Variants in ILDR2 observed in about 807,000 individuals in gnomAD.
ILDR2 encodes immunoglobulin-like domain-containing receptor 2.
A neutral mutation model predicts 66.8 loss-of-function variants in ILDR2; 25 were observed. That is an observed-to-expected ratio of 0.37 (90% CI 0.27 to 0.52). ILDR2 has a LOEUF of 0.52. Among genes scored for constraint, ILDR2 ranks in the 20% least tolerant of loss-of-function variants. The pLI, the probability that ILDR2 is intolerant of heterozygous loss-of-function variation, is 0.88. For synonymous variants in ILDR2, 367 were observed against 357.2 expected (o/e 1.03, Z -0.31); for missense variants, 827 against 876.8 (o/e 0.94, Z 0.72).
Position 166,957,649 on chromosome 1 carries a change from A to G in ILDR2, c.379+120T>C, listed in dbSNP as rs896969135. ...TTGATGCTCCCATTTCCAATAAAAT[A>G]AAAGTCTTGAGGGTCTGAAAGGGTG... On this transcript the variant is annotated intron_variant, in intron 2 of 9. Coordinates refer to ENST00000271417, the MANE Select transcript of ILDR2 (RefSeq NM_199351.3). 57 of 823,686 alleles carry G rather than the reference A, an allele frequency of 6.9e-5. No homozygotes were observed. The African/African-American group carries it at 8.1e-4, about 12-fold the overall frequency. The allele number at this position is 823,686 out of a possible 1,614,324, so 51.0% of individuals were successfully genotyped here. A position where few individuals can be genotyped will look rare whatever the true frequency, so the allele number is the denominator to read the frequency against.
At position 166,936,634 on chromosome 1, in the gene ILDR2, G is replaced by A. The variant is rs774274897; in HGVS notation, c.660C>T (p.Val220=). The part of the protein sequence containing the change: ...QCCPHSCCCY[V]RCPCCPDSCC... ...AGGAATCTGGGCAGCATGGGCAGCG[G>A]ACATAGCAGCAGCAGCTGTGAGGGC... Residue 220 remains valine (V), a synonymous_variant, in exon 5 of 10, where the codon GTC becomes GTT. Coordinates refer to ENST00000271417, the MANE Select transcript of ILDR2 (RefSeq NM_199351.3). This position sits in a 1 kb window ranked among gnomAD's most constrained non-coding sequence, Gnocchi z 5.0. 2 of 1,613,956 alleles carry A rather than the reference G, an allele frequency of 1.2e-6. No individual in the cohort carries two copies. Among genetic ancestry groups the A allele is most frequent in the South Asian group, 1.1e-5 (1 of 91,074 alleles).
At chr1:166,926,947 C>T (rs979593258) in intron 7 of ILDR2, 120 bp downstream of exon 7, 2 of 600,148 alleles carry the variant, frequency 3.3e-6, no homozygotes, top group African/African-American at 1.9e-5. Flanking sequence ...GTGTCACCAG[C>T]ACCCCTGCTA....
chr1:166,957,342 C>G (rs1382747838), intron 2 of ILDR2, among the ~76,000 whole-genome samples: 1 of 152,194 alleles, frequency 6.6e-6, no homozygotes, highest in East Asian at 1.9e-4. Context: ...AAGCATCTAC[C>G]TGGCTCTGTT....
intron 6 of ILDR2, among the ~76,000 whole-genome samples, chr1:166,933,117 C>T (rs766089891): frequency 4.1e-4 from 62 of 152,324 alleles, no homozygotes; most frequent in South Asian, 8.3e-4. Context: ...CCTCTTTTTC[C>T]TTGCTAACAG....
At chr1:166,975,004 C>T (rs543453844) in intron 1 of ILDR2, among the ~76,000 whole-genome samples, 32 of 148,254 alleles carry the variant, frequency 2.2e-4, no homozygotes, top group African/African-American at 8.1e-4. Context: ...GGCTTCTCCC[C>T]CGCCGCCCCC....
At chr1:166,933,430 G>A (rs555405739) in intron 6 of ILDR2, 42 of 271,502 alleles carry the variant, frequency 1.5e-4, no homozygotes, top group Non-Finnish European at 1.4e-4. Context: ...AGAAAAGACA[G>A]AGGAACTAGG....
At chr1:166,897,197 T>C (rs1659183011) in intron 2 of ILDR2, among the ~76,000 whole-genome samples, 1 of 151,694 alleles carries the variant, frequency 6.6e-6, no homozygotes, top group Admixed American at 6.6e-5. Context: ...AGAGCTAATA[T>C]AGACCTACAC....
At chr1:166,946,791 C>T (rs1258672886) in intron 3 of ILDR2, among the ~76,000 whole-genome samples, 1 of 152,248 alleles carries the variant, frequency 6.6e-6, no homozygotes, top group Non-Finnish European at 1.5e-5. Flanking sequence ...TGTGCACCAA[C>T]TGCCTTCTAG....
chr1:166,956,358 A>G (rs1662281243), intron 3 of ILDR2, among the ~76,000 whole-genome samples: 1 of 152,218 alleles, frequency 6.6e-6, no homozygotes, highest in African/African-American at 2.4e-5. Flanking sequence ...ACATCAGTGA[A>G]TTCTTATCTG....
At chr1:166,947,089 C>A (rs951632742) in intron 3 of ILDR2, among the ~76,000 whole-genome samples, 5 of 152,136 alleles carry the variant, frequency 3.3e-5, no homozygotes, top group African/African-American at 7.2e-5. Flanking sequence ...AACCTCCACC[C>A]CCAGAGAGCG....
intron 7 of ILDR2, 138 bp from the exon 8 acceptor site, chr1:166,922,947 G>A: frequency 1.4e-6 from 1 of 690,936 alleles, no homozygotes; most frequent in South Asian, 1.8e-5. Context: ...TTGTAAGCCT[G>A]AACTAGTGGT....
intron 2 of ILDR2, among the ~76,000 whole-genome samples, chr1:166,901,615 G>T (rs967322627): frequency 1.3e-5 from 2 of 152,136 alleles, no homozygotes; most frequent in African/African-American, 4.8e-5. Context: ...AAATGTTATA[G>T]ACGTGACTTC....
At chr1:166,961,748 G>A in intron 1 of ILDR2, among the ~76,000 whole-genome samples, 1 of 152,226 alleles carries the variant, frequency 6.6e-6, no homozygotes, top group South Asian at 2.1e-4. Flanking sequence ...GATGACTTCT[G>A]TGAAGCTACA....
chr1:166,955,183 A>G (rs1289358159), intron 3 of ILDR2, among the ~76,000 whole-genome samples: 1 of 152,196 alleles, frequency 6.6e-6, no homozygotes, highest in Non-Finnish European at 1.5e-5. Context: ...TTCCTGCTGA[A>G]TATCAGTCAT....
chr1:166,913,099 A>G lies in ILDR2; in HGVS notation c.*6256T>C, dbSNP rs976010458. 5 of 152,214 alleles carry G rather than the reference A, an allele frequency of 3.3e-5. No homozygotes were observed. The highest frequency in any genetic ancestry group is 1.2e-4 in the African/African-American group (5 of 41,444). 9.4% of individuals were successfully genotyped at this position (152,214 alleles called of 1,614,324 possible). Reference sequence around the variant, plus strand: ...TTCCTCTATTACTGTACTTACAACAATCAGAGAAGGACATGTATCATATGA... The same window carrying G: ...TTCCTCTATTACTGTACTTACAACAGTCAGAGAAGGACATGTATCATATGA... On this transcript the variant is annotated 3_prime_UTR_variant, in exon 10 of 10. Transcript: ENST00000271417.
In ILDR2 at chr1:166,912,126, C is replaced by A. The variant is rs1326038762; in HGVS notation, c.*7229G>T. On this transcript the variant is annotated 3_prime_UTR_variant, in exon 10 of 10. Transcript: ENST00000271417. ...GAGACAAAAAAATCTTTAGAACAGT[C>A]AGAGAGACCAGACAGATTAGGAAGG... is the stretch of plus-strand genomic sequence containing the variant. The A allele has an allele frequency of 6.6e-6, 1 of 152,068 alleles. No individual in the cohort carries two copies. Among genetic ancestry groups the A allele is most frequent in the Non-Finnish European group, 1.5e-5 (1 of 67,974 alleles). The allele number at this position is 152,068 out of a possible 1,614,324, so 9.4% of individuals were successfully genotyped here.
At position 166,909,798 on chromosome 1, in the gene ILDR2, T is replaced by C. The variant is rs1323706387; in HGVS notation, c.*9557A>G. 2.2e-5 allele frequency: 3 copies of C among 136,050 alleles called. No individual in the cohort carries two copies. The highest frequency in any genetic ancestry group is 4.6e-5 in the Non-Finnish European group (3 of 64,550). The allele number at this position is 136,050 out of a possible 1,614,324, so 8.4% of individuals were successfully genotyped here. The stretch of plus-strand genomic sequence containing the variant: ...ATATATATTTATATATATATATATA[T>C]ATATATATCCTTCTAGCTTTGCTCT... On this transcript the variant is annotated 3_prime_UTR_variant, in exon 10 of 10. Coordinates refer to ENST00000271417, the MANE Select transcript of ILDR2 (RefSeq NM_199351.3).
chr1:166,897,075 A>G (rs975554960), intron 2 of ILDR2, among the ~76,000 whole-genome samples: 1 of 152,232 alleles, frequency 6.6e-6, no homozygotes, highest in African/African-American at 2.4e-5. Flanking sequence ...GAATATGATC[A>G]TGTTGGGGCT....
intron 3 of ILDR2, among the ~76,000 whole-genome samples, chr1:166,946,289 C>G (rs1467291518): frequency 6.6e-6 from 1 of 152,082 alleles, no homozygotes; most frequent in Non-Finnish European, 1.5e-5. Flanking sequence ...GCCCCCTTTT[C>G]TTTTATATAT....
Sources: gnomAD v4.1 joint callset for allele counts (sites outside exome capture counted in the v4.1 genomes callset) on GRCh38, gnomAD v4.1.1 for gene constraint, Gnocchi (gnomAD v3.1) non-coding constraint, MANE v1.5 for transcripts, NCBI Gene and HGNC (gene_info 2026-07-23, HGNC 2026-07-21) for gene names.